IL1RAPL1: variants seen among roughly 807,000 people sequenced by gnomAD.
The protein encoded by IL1RAPL1 is interleukin-1 receptor accessory protein-like 1.
In IL1RAPL1, 3 loss-of-function variants were observed where a neutral mutation model predicts 48.4. The observed-to-expected ratio is 0.06, with a 90% CI of 0.03 to 0.16. The LOEUF (loss-of-function observed/expected upper bound fraction) is 0.16. IL1RAPL1 is among the 10% of genes least tolerant of loss of function. The pLI, the probability that IL1RAPL1 is intolerant of heterozygous loss-of-function variation, is 1.00. For synonymous variants in IL1RAPL1, 185 were observed against 187.7 expected (o/e 0.99, Z 0.12); for missense variants, 349 against 530.6 (o/e 0.66, Z 3.36).
At chrX:28,948,034 A>G (rs1477179339) in intron 2 of IL1RAPL1, among the ~76,000 whole-genome samples, 1 of 111,058 alleles carries the variant, frequency 9.0e-6, no homozygotes, top group African/African-American at 3.3e-5. Flanking sequence ...GGCACTAAAT[A>G]ATTAATAGCT....
intron 5 of IL1RAPL1, among the ~76,000 whole-genome samples, chrX:29,636,655 C>T (rs1260306444): frequency 8.9e-6 from 1 of 112,017 alleles, no homozygotes; most frequent in African/African-American, 3.2e-5. Flanking sequence ...GTATGATCCA[C>T]TTAGTGTATA....
chrX:29,595,034 C>T (rs1233333457), intron 5 of IL1RAPL1, among the ~76,000 whole-genome samples: 2 of 112,196 alleles, frequency 1.8e-5, no homozygotes, highest in Non-Finnish European at 3.8e-5. Flanking sequence ...GTCTCCAGTT[C>T]CACCCAGGTT....
At chrX:29,767,631 A>G (rs892939222) in intron 6 of IL1RAPL1, among the ~76,000 whole-genome samples, 2 of 112,096 alleles carry the variant, frequency 1.8e-5, no homozygotes, top group Non-Finnish European at 3.8e-5. Flanking sequence ...TCATAAGGAT[A>G]AGGCAATACC....
chrX:29,273,843 G>A (rs1332794412), intron 2 of IL1RAPL1, among the ~76,000 whole-genome samples: 1 of 110,940 alleles, frequency 9.0e-6, no homozygotes. Context: ...GTGGGGGCAT[G>A]GTGGGGGTGG....
chrX:29,295,319 C>G (rs773262957), intron 3 of IL1RAPL1, among the ~76,000 whole-genome samples: 35 of 111,906 alleles, frequency 3.1e-4, no homozygotes, highest in Middle Eastern at 4.2e-3. Flanking sequence ...AGCTATTAGA[C>G]AGGGAAACAT....
At chrX:29,507,692 T>G (rs1935351142) in intron 5 of IL1RAPL1, among the ~76,000 whole-genome samples, 1 of 109,394 alleles carries the variant, frequency 9.1e-6, no homozygotes. Context: ...AGATAGTACC[T>G]ATAGTGTGTT....
chrX:29,107,872 C>T (rs377343550), intron 2 of IL1RAPL1, among the ~76,000 whole-genome samples: 6 of 112,138 alleles, frequency 5.4e-5, no homozygotes, highest in Non-Finnish European at 7.5e-5. Context: ...TTTGGCTTTA[C>T]GTAATAGTCA....
intron 6 of IL1RAPL1, among the ~76,000 whole-genome samples, chrX:29,839,030 G>A (rs1210578614): frequency 8.9e-6 from 1 of 112,132 alleles, no homozygotes; most frequent in African/African-American, 3.2e-5. Flanking sequence ...AGTAAGAGAA[G>A]GTAAATCCAA....
chrX:29,043,341 C>T (rs1926886151), intron 2 of IL1RAPL1, among the ~76,000 whole-genome samples: 1 of 111,349 alleles, frequency 9.0e-6, no homozygotes, highest in Non-Finnish European at 1.9e-5. Flanking sequence ...TCTTCCTATT[C>T]AGAGTAACCT....
chrX:28,655,158 A>G (rs1879036676), intron 1 of IL1RAPL1, among the ~76,000 whole-genome samples: 1 of 111,719 alleles, frequency 9.0e-6, no homozygotes, highest in South Asian at 3.7e-4. Flanking sequence ...ATACACACTT[A>G]TATAAGAAAT....
chrX:29,497,146 A>G (rs180841697), intron 5 of IL1RAPL1, among the ~76,000 whole-genome samples: 2 of 112,088 alleles, frequency 1.8e-5, no homozygotes, highest in East Asian at 5.6e-4. Context: ...GTTTCTTCAT[A>G]CATTTTGGAA....
At chrX:29,506,438 TCTCCTCCTC>T (rs562607187) in intron 5 of IL1RAPL1, among the ~76,000 whole-genome samples, 1 of 90,640 alleles carries the variant, frequency 1.1e-5, no homozygotes, top group African/African-American at 4.4e-5. Flanking sequence ...TCCTTCTCCT[TCTCCTCCTC>T]CTCCTCCTCC....
intron 2 of IL1RAPL1, among the ~76,000 whole-genome samples, chrX:29,054,278 A>C (rs1927162730): frequency 9.0e-6 from 1 of 110,969 alleles, no homozygotes; most frequent in Non-Finnish European, 1.9e-5. Context: ...TGAAATTGCT[A>C]TTCCCTCTTT....
intron 2 of IL1RAPL1, among the ~76,000 whole-genome samples, chrX:29,040,787 T>G (rs967151688): frequency 8.9e-6 from 1 of 111,964 alleles, no homozygotes. Context: ...ATCAGGTGAT[T>G]CCATAATGGA....
At chrX:29,152,102 A>T (rs1338871856) in intron 2 of IL1RAPL1, among the ~76,000 whole-genome samples, 2 of 111,375 alleles carry the variant, frequency 1.8e-5, no homozygotes, top group Non-Finnish European at 3.8e-5. Context: ...AGAGGAGCAA[A>T]GTCACGTCTT....
At chrX:29,122,451 G>GC (rs1174041301) in intron 2 of IL1RAPL1, among the ~76,000 whole-genome samples, 366 of 27,257 alleles carry the variant, frequency 0.013, 1 homozygote, top group Non-Finnish European at 0.018. Flanking sequence ...ACACACACTC[G>GC]CCCCCCCCAC....
chrX:29,446,575 T>G (rs1403304866), intron 5 of IL1RAPL1, among the ~76,000 whole-genome samples: 1 of 112,035 alleles, frequency 8.9e-6, no homozygotes, highest in Non-Finnish European at 1.9e-5. Flanking sequence ...GTCTAGTGAC[T>G]AAGGAACAAC....
intron 5 of IL1RAPL1, among the ~76,000 whole-genome samples, chrX:29,585,199 A>T (rs1923116616): frequency 8.9e-6 from 1 of 111,765 alleles, no homozygotes; most frequent in African/African-American, 3.3e-5. Context: ...ATTCCCATTT[A>T]TCCCCACCTC....
chrX:29,376,875 G>A (rs761410746), intron 3 of IL1RAPL1, among the ~76,000 whole-genome samples: 1 of 111,934 alleles, frequency 8.9e-6, no homozygotes, highest in Non-Finnish European at 1.9e-5. Flanking sequence ...GGAGTGTTCT[G>A]TAGATGTCTG....
Sources: gnomAD v4.1 joint callset for allele counts (sites outside exome capture counted in the v4.1 genomes callset) on GRCh38, gnomAD v4.1.1 for gene constraint, MANE v1.5 for transcripts, NCBI Gene and HGNC (gene_info 2026-07-23, HGNC 2026-07-21) for gene names.